The following TENM2 variants were observed in gnomAD, a reference collection of about 807,000 sequenced individuals.
TENM2 encodes the protein teneurin transmembrane protein 2, also known as teneurin-2.
A neutral mutation model predicts 245.2 loss-of-function variants in TENM2; 52 were observed. That is an observed-to-expected ratio of 0.21 (90% CI 0.17 to 0.27). The LOEUF (loss-of-function observed/expected upper bound fraction) is 0.27, where lower values mean the gene tolerates loss of function less well. Ranked by LOEUF, TENM2 falls within the 10% of genes least tolerant of loss-of-function variation. The probability of loss-of-function intolerance (pLI) is 1.00; values close to 1 mark genes in which losing one functional copy is unlikely to be tolerated. For synonymous variants in TENM2, 1,363 were observed against 1,438.9 expected, an observed-to-expected ratio of 0.95 and a Z score of 1.19; for missense variants, 3,046 against 3,666.8, an observed-to-expected ratio of 0.83 and a Z score of 4.37.
chr5:167,934,934 T>A, intron 3 of TENM2: 3 of 984,984 alleles, frequency 3.0e-6, no homozygotes, highest in Non-Finnish European at 3.6e-6. Flanking sequence ...GGCAGAAGGA[T>A]GGCTTTTATT....
upstream of TENM2, among the ~76,000 whole-genome samples, chr5:167,284,394 A>G (rs1463461078): frequency 6.6e-6 from 1 of 152,130 alleles, no homozygotes; most frequent in Non-Finnish European, 1.5e-5. Context: ...CAAGCCTTCT[A>G]TAGCATAGAG....
intron 2 of TENM2, among the ~76,000 whole-genome samples, chr5:167,850,892 G>A (rs1770518169): frequency 6.6e-6 from 1 of 152,142 alleles, no homozygotes; most frequent in African/African-American, 2.4e-5. Context: ...ACATAGATAA[G>A]GTTTGGCATT....
intron 2 of TENM2, among the ~76,000 whole-genome samples, chr5:167,862,268 T>TGC (rs1165979326): frequency 4.0e-5 from 6 of 150,722 alleles, no homozygotes; most frequent in Non-Finnish European, 8.8e-5. Flanking sequence ...TGTGTGTGTG[T>TGC]GCATATGTAC....
intron 1 of TENM2, among the ~76,000 whole-genome samples, chr5:167,291,656 C>A (rs1445506549): frequency 6.6e-6 from 1 of 152,214 alleles, no homozygotes; most frequent in Non-Finnish European, 1.5e-5. Context: ...CTGTAGCTGG[C>A]CACATCTTGG....
At chr5:168,195,551 CGT>C (rs35040257) in intron 15 of TENM2, among the ~76,000 whole-genome samples, 5,482 of 97,800 alleles carry the variant, frequency 0.056, 163 homozygotes, top group Non-Finnish European at 0.068. Flanking sequence ...GGTCAATGCA[CGT>C]GTGTGTGTGT....
intron 19 of TENM2, among the ~76,000 whole-genome samples, chr5:168,205,701 G>C (rs1264180087): frequency 6.6e-6 from 1 of 152,182 alleles, no homozygotes; most frequent in Admixed American, 6.5e-5. Context: ...TGGCAGGAGG[G>C]TGGTGAGCTC....
the TENM2 span, among the ~76,000 whole-genome samples, chr5:167,159,018 T>A: frequency 6.6e-6 from 1 of 151,158 alleles, no homozygotes; most frequent in Admixed American, 6.6e-5. Flanking sequence ...CAGTGGCGTA[T>A]CTCAGCTCAC....
the TENM2 span, among the ~76,000 whole-genome samples, chr5:167,182,173 A>G: frequency 6.6e-6 from 1 of 152,162 alleles, no homozygotes; most frequent in Non-Finnish European, 1.5e-5. Flanking sequence ...TGGATGGAAA[A>G]TAGCATAGCT....
At chr5:167,024,268 C>G in the TENM2 span, among the ~76,000 whole-genome samples, 1 of 152,142 alleles carries the variant, frequency 6.6e-6, no homozygotes, top group Non-Finnish European at 1.5e-5. Context: ...AAAATCAAAG[C>G]ATTGTGCTTA....
At chr5:167,119,134 A>T in the TENM2 span, among the ~76,000 whole-genome samples, 10 of 152,220 alleles carry the variant, frequency 6.6e-5, no homozygotes, top group Admixed American at 6.5e-5. Context: ...TATAAAAATG[A>T]TGACATTAGT....
intron 1 of TENM2, chr5:167,297,569 C>G (rs998004424): frequency 1.3e-5 from 2 of 152,138 alleles, no homozygotes; most frequent in African/African-American, 2.4e-5. Flanking sequence ...AGAAAATGAT[C>G]AAGTTACATT....
At chr5:167,116,402 C>T in the TENM2 span, 1 of 152,158 alleles carries the variant, frequency 6.6e-6, no homozygotes, top group African/African-American at 2.4e-5. Flanking sequence ...GGGAACATTC[C>T]AGAAGAAGCA....
At chr5:167,586,248 T>C (rs1582462424) in intron 2 of TENM2, among the ~76,000 whole-genome samples, 1 of 152,330 alleles carries the variant, frequency 6.6e-6, no homozygotes, top group Non-Finnish European at 1.5e-5. Context: ...AGAGATGATT[T>C]AAAGTATATG....
chr5:168,185,372 C>A (rs1760294015), intron 13 of TENM2, among the ~76,000 whole-genome samples: 1 of 152,142 alleles, frequency 6.6e-6, no homozygotes, highest in Admixed American at 6.6e-5. Context: ...ATGTACTGAG[C>A]ATTCATTATA....
chr5:167,439,575 T>C (rs890778416), intron 2 of TENM2, among the ~76,000 whole-genome samples: 2 of 152,214 alleles, frequency 1.3e-5, no homozygotes, highest in African/African-American at 4.8e-5. Context: ...CTAGGATATA[T>C]GCAGTGTATT....
chr5:167,407,729 A>C (rs1038875741), intron 2 of TENM2, among the ~76,000 whole-genome samples: 6 of 152,132 alleles, frequency 3.9e-5, no homozygotes, highest in African/African-American at 1.4e-4. Context: ...AGGCAGGAGA[A>C]TTGCTTGAAT....
At chr5:168,083,178 C>T (rs1792151719) in intron 7 of TENM2, among the ~76,000 whole-genome samples, 1 of 152,204 alleles carries the variant, frequency 6.6e-6, no homozygotes, top group Non-Finnish European at 1.5e-5. Context: ...AGCCTCGCTG[C>T]CACCTTGCTG....
At chr5:167,209,801 C>G in the TENM2 span, among the ~76,000 whole-genome samples, 2 of 152,210 alleles carry the variant, frequency 1.3e-5, no homozygotes, top group Admixed American at 6.5e-5. Context: ...TTTTAAAAAG[C>G]AAGGTTGCGT....
chr5:168,100,500 A>G (rs1337841478), intron 9 of TENM2, among the ~76,000 whole-genome samples: 7 of 152,244 alleles, frequency 4.6e-5, no homozygotes, highest in Non-Finnish European at 5.9e-5. Flanking sequence ...CCCATCAATA[A>G]TAGACTGGAT....
Sources: allele counts gnomAD v4.1 joint callset (sites outside exome capture counted in the v4.1 genomes callset), GRCh38; gene constraint gnomAD v4.1.1; transcripts MANE v1.5; gene names NCBI Gene and HGNC (gene_info 2026-07-23, HGNC 2026-07-21).